ARL3: variants seen among roughly 807,000 people sequenced by gnomAD.
The protein encoded by ARL3 is ADP-ribosylation factor-like protein 3.
ARL3 carries 9 observed loss-of-function variants against 26.0 expected under a neutral mutation model. The observed-to-expected ratio is 0.35, with a 90% CI of 0.21 to 0.60. ARL3 has a LOEUF of 0.60. Ranked by LOEUF, ARL3 falls within the 20% of genes least tolerant of loss-of-function variation. The probability of loss-of-function intolerance (pLI) is 0.78; values close to 1 mark genes in which losing one functional copy is unlikely to be tolerated. For synonymous variants in ARL3, 71 were observed against 78.4 expected, an observed-to-expected ratio of 0.91 and a Z score of 0.50; for missense variants, 158 against 215.7, an observed-to-expected ratio of 0.73 and a Z score of 1.67.
Position 102,689,303 on chromosome 10 carries a change from T to G in ARL3, c.315+590A>C, listed in dbSNP as rs536474521. On this transcript the variant is annotated intron_variant, in intron 4 of 5. Transcript: ENST00000260746. Reference sequence around the variant, plus strand: ...TTGTGCCATTGCACTCCAGCCTGGGTGACAAGAGTGAAACTCCGTTTTGGA... The same window carrying G: ...TTGTGCCATTGCACTCCAGCCTGGGGGACAAGAGTGAAACTCCGTTTTGGA... Among the ~76,000 whole-genome samples, 25 of 151,882 alleles carry G rather than the reference T, an allele frequency of 1.6e-4. No homozygotes were observed. In the South Asian group the frequency reaches 5.2e-3, roughly 32 times the overall value.
chr10:102,707,966 T>C (rs1159139402), intron 1 of ARL3, among the ~76,000 whole-genome samples: 1 of 152,106 alleles, frequency 6.6e-6, no homozygotes, highest in Non-Finnish European at 1.5e-5. Context: ...TAGGCTGGAA[T>C]GTAGTGGCGT....
At chr10:102,691,742 T>C (rs1298319813) in intron 3 of ARL3, among the ~76,000 whole-genome samples, 1 of 152,160 alleles carries the variant, frequency 6.6e-6, no homozygotes, top group Non-Finnish European at 1.5e-5. Flanking sequence ...AGGCAACTCT[T>C]GTGTCAAGCC....
At position 102,699,125 on chromosome 10, in the gene ARL3, A is replaced by C. The variant is rs180770076; in HGVS notation, c.264+248T>G. The stretch of plus-strand genomic sequence containing the variant: ...TGCTATTCAAATCACTATGGCAATT[A>C]ATAACACTTTATTTTGCCAAGATGG... On this transcript the variant is annotated intron_variant, in intron 3 of 5. Transcript: ENST00000260746. Among the ~76,000 whole-genome samples, 9 of 152,354 alleles carry C rather than the reference A, an allele frequency of 5.9e-5. No homozygotes were observed. The East Asian group carries it at 1.7e-3, about 29-fold the overall frequency.
chr10:102,693,999 T>A (rs2064233889), intron 3 of ARL3, among the ~76,000 whole-genome samples: 2 of 152,050 alleles, frequency 1.3e-5, no homozygotes, highest in Non-Finnish European at 2.9e-5. Flanking sequence ...TTTTATTTAT[T>A]TTTTTTGAGA....
chr10:102,687,772 C>G (rs983496172), intron 4 of ARL3, among the ~76,000 whole-genome samples: 1 of 152,144 alleles, frequency 6.6e-6, no homozygotes, highest in African/African-American at 2.4e-5. Flanking sequence ...AGGGATCCTC[C>G]TGCCTCAGCC....
rs1416859770 is a variant in ARL3 at position 102,675,608 on chromosome 10, G to A, written c.*1286C>T. 1 of 152,260 alleles carries A rather than the reference G, an allele frequency of 6.6e-6. No individual in the cohort carries two copies. Among genetic ancestry groups the A allele is most frequent in the East Asian group, 1.9e-4 (1 of 5,200 alleles). 9.4% of individuals were successfully genotyped at this position (152,260 alleles called of 1,614,324 possible). A position where few individuals can be genotyped will look rare whatever the true frequency, so the allele number is the denominator to read the frequency against. On this transcript the variant is annotated 3_prime_UTR_variant, in exon 6 of 6. Coordinates refer to ENST00000260746, the MANE Select transcript of ARL3 (RefSeq NM_004311.4). ...AAGCTGAGGATTTCTGAGGTTCAGGGAAACAAGCTCGTTTTGCAACGAGGG... is the reference window on the plus strand; with the variant it reads ...AAGCTGAGGATTTCTGAGGTTCAGGAAAACAAGCTCGTTTTGCAACGAGGG...
chr10:102,708,617 G>A (rs1283729199), intron 1 of ARL3, among the ~76,000 whole-genome samples: 1 of 151,936 alleles, frequency 6.6e-6, no homozygotes. Context: ...AGCACTTTGG[G>A]AGGCCGAGGT....
chr10:102,701,322 T>G (rs994507727), intron 2 of ARL3, among the ~76,000 whole-genome samples: 1 of 152,182 alleles, frequency 6.6e-6, no homozygotes, highest in Non-Finnish European at 1.5e-5. Flanking sequence ...TGGGGATGCC[T>G]CCACAAACAT....
At position 102,683,197 on chromosome 10, in the gene ARL3, C is replaced by T. The variant is rs184816781; in HGVS notation, c.501+2619G>A. On this transcript the variant is annotated intron_variant, in intron 5 of 5. Transcript: ENST00000260746. Reference sequence around the variant, plus strand: ...AGAGGCACCACCTTAGGGAGGTACACGGTCAACCAGTGGCTCACAGTGAAA... The same window carrying T: ...AGAGGCACCACCTTAGGGAGGTACATGGTCAACCAGTGGCTCACAGTGAAA... 2.1e-3 allele frequency among the ~76,000 whole-genome samples: 327 copies of T among 152,240 alleles called. 3 individuals are homozygous for T. Among genetic ancestry groups the T allele is most frequent in the African/African-American group, 7.5e-3 (313 of 41,530 alleles).
Position 102,676,097 on chromosome 10 carries a change from G to A in ARL3, c.*797C>T, listed in dbSNP as rs2064129230. ...GCCCTCGATGTGAGAGCTTTTTAAG[G>A]ACCTTGTAATTTTTCTGGAATTAAA... On this transcript the variant is annotated 3_prime_UTR_variant, in exon 6 of 6. Transcript: ENST00000260746. 6.6e-6 allele frequency: 1 copy of A among 151,918 alleles called. No homozygotes were observed. The highest frequency in any genetic ancestry group is 6.6e-5 in the Admixed American group (1 of 15,102). The allele number at this position is 151,918 out of a possible 1,614,324, so 9.4% of individuals were successfully genotyped here. A position where few individuals can be genotyped will look rare whatever the true frequency, so the allele number is the denominator to read the frequency against.
rs1156414621 is a variant in ARL3, at chr10:102,714,308, C to T, written c.-33G>A. On this transcript the variant is annotated 5_prime_UTR_variant, in exon 1 of 6. Transcript: ENST00000260746. ...CCGAGTCCCTCCTCCTCCTCCTCCTCCTGCTGCCTCCCCCGTTACCAGGGG... is the reference window on the plus strand; with the variant it reads ...CCGAGTCCCTCCTCCTCCTCCTCCTTCTGCTGCCTCCCCCGTTACCAGGGG... 1 of 1,305,150 alleles carries T rather than the reference C, an allele frequency of 7.7e-7. No individual in the cohort carries two copies. The allele number at this position is 1,305,150 out of a possible 1,614,324, so 80.8% of individuals were successfully genotyped here. A position where few individuals can be genotyped will look rare whatever the true frequency, so the allele number is the denominator to read the frequency against.
chr10:102,705,280 TG>T, intron 2 of ARL3, 65 bp downstream of exon 2: 1 of 1,474,160 alleles, frequency 6.8e-7, no homozygotes, highest in Non-Finnish European at 9.1e-7. Flanking sequence ...TTTCCCATTT[TG>T]TCTTTCACAT....
intron 3 of ARL3, among the ~76,000 whole-genome samples, chr10:102,694,573 C>T (rs1263073026): frequency 2.0e-5 from 3 of 152,014 alleles, no homozygotes; most frequent in African/African-American, 7.2e-5. Context: ...ATTATTCCAG[C>T]GCCACTTGCT....
intron 1 of ARL3, among the ~76,000 whole-genome samples, chr10:102,712,851 T>C (rs1205886922): frequency 1.3e-5 from 2 of 152,118 alleles, no homozygotes; most frequent in African/African-American, 4.8e-5. Flanking sequence ...CACGTATAAA[T>C]GATTAAGAAA....
At chr10:102,707,504 CA>C (rs1287866162) in intron 1 of ARL3, among the ~76,000 whole-genome samples, 1 of 152,068 alleles carries the variant, frequency 6.6e-6, no homozygotes, top group Non-Finnish European at 1.5e-5. Context: ...TCTCCCAGCC[CA>C]AGAAGAAATT....
At position 102,705,513 on chromosome 10, in the gene ARL3, G is replaced by C. The variant is rs372174028; in HGVS notation, c.4-24C>G. ...CCCTTCAACAACCACAAAGGAGACA[G>C]ATTACTCTGGGGGCACTGACTGTGA... On this transcript the variant is annotated intron_variant, in intron 1 of 5. Coordinates refer to ENST00000260746, the MANE Select transcript of ARL3 (RefSeq NM_004311.4). 7 of 1,549,488 alleles carry C rather than the reference G, an allele frequency of 4.5e-6. No homozygotes were observed. In the African/African-American group the frequency reaches 8.1e-5, roughly 18 times the overall value.
At chr10:102,714,172 C>G in intron 1 of ARL3, 101 bp downstream of exon 1, 1 of 1,260,302 alleles carries the variant, frequency 7.9e-7, no homozygotes, top group South Asian at 3.3e-5. Flanking sequence ...GAGCGACGTC[C>G]CATTCCCTCC....
intron 5 of ARL3, among the ~76,000 whole-genome samples, chr10:102,680,863 T>C (rs1031920019): frequency 1.3e-5 from 2 of 152,208 alleles, no homozygotes; most frequent in Non-Finnish European, 2.9e-5. Context: ...AGCTGGATGC[T>C]GCTTCCATCA....
In ARL3 at chr10:102,676,924, G is replaced by T. The variant is rs1235977207; in HGVS notation, c.519C>A (p.Val173=). ...TCTTCTTTGCATTGACATTTTTGCA[G>T]ACCCAGTTCATGCCATCCTTTGAGG... ...GEGVQDGMNW[V]CKNVNAKKK The change falls in exon 6 of 6, where the codon GTC becomes GTA. Residue 173 remains valine, a synonymous_variant. Coordinates refer to ENST00000260746, the MANE Select transcript of ARL3 (RefSeq NM_004311.4). 1 of 1,614,060 alleles carries T rather than the reference G, an allele frequency of 6.2e-7. No homozygotes were observed. Among genetic ancestry groups the T allele is most frequent in the Non-Finnish European group, 8.5e-7 (1 of 1,180,008 alleles).
Sources: allele counts gnomAD v4.1 joint callset (sites outside exome capture counted in the v4.1 genomes callset), GRCh38; gene constraint gnomAD v4.1.1; transcripts MANE v1.5; gene names NCBI Gene and HGNC (gene_info 2026-07-23, HGNC 2026-07-21).